Variants in AGTPBP1 observed in about 807,000 individuals in gnomAD.
AGTPBP1 encodes the protein ATP/GTP binding carboxypeptidase 1, also known as cytosolic carboxypeptidase 1.
In AGTPBP1, 70 loss-of-function variants were observed where a neutral mutation model predicts 143.9. The ratio of observed to expected loss-of-function variants is 0.49; its 90% CI spans 0.40 to 0.59. The LOEUF (loss-of-function observed/expected upper bound fraction) is 0.59, where lower values mean the gene tolerates loss of function less well. Among genes scored for constraint, AGTPBP1 ranks in the 20% least tolerant of loss-of-function variants. AGTPBP1 has a pLI of 0.00. For synonymous variants in AGTPBP1, 463 were observed against 500.2 expected (o/e 0.93, Z 0.99); for missense variants, 1,229 against 1,464.5 (o/e 0.84, Z 2.62).
At chr9:85,743,813 T>C (rs1824533971), upstream of AGTPBP1, among the ~76,000 whole-genome samples, 1 of 152,132 alleles carries the variant, frequency 6.6e-6, no homozygotes, top group South Asian at 2.1e-4. Flanking sequence ...CGTGGGACCT[T>C]GCATATCCTC....
intron 8 of AGTPBP1, among the ~76,000 whole-genome samples, chr9:85,662,677 A>T (rs7862588): frequency 0.038 from 5,783 of 152,210 alleles, 289 homozygotes; most frequent in African/African-American, 0.11. Flanking sequence ...TCTTAAAACA[A>T]TTTTGTTCCA....
At chr9:85,647,231 C>T (rs765915644) in intron 11 of AGTPBP1, among the ~76,000 whole-genome samples, 5 of 152,104 alleles carry the variant, frequency 3.3e-5, no homozygotes, top group Non-Finnish European at 5.9e-5. Flanking sequence ...GAGCCAAGAT[C>T]GCGCCATTGC....
chr9:85,560,104 A>G (rs962773010), intron 25 of AGTPBP1, among the ~76,000 whole-genome samples: 2 of 152,196 alleles, frequency 1.3e-5, no homozygotes, highest in African/African-American at 4.8e-5. Flanking sequence ...CAAACAAGAG[A>G]TAATAACAAA....
intron 21 of AGTPBP1, among the ~76,000 whole-genome samples, chr9:85,587,892 A>C (rs1828713779): frequency 6.6e-6 from 1 of 152,138 alleles, no homozygotes; most frequent in Non-Finnish European, 1.5e-5. Flanking sequence ...GATGGGGCTA[A>C]CATTCCAAGA....
chr9:85,585,198 T>C (rs1828529086), intron 23 of AGTPBP1, among the ~76,000 whole-genome samples: 1 of 152,182 alleles, frequency 6.6e-6, no homozygotes, highest in Non-Finnish European at 1.5e-5. Context: ...CATCATCAAA[T>C]TGACAGAAGG....
At chr9:85,753,516 C>T in the AGTPBP1 span, 6 of 1,512,582 alleles carry the variant, frequency 4.0e-6, no homozygotes, top group South Asian at 3.7e-5. Context: ...CACTTTGGGA[C>T]GCTGAGGTGG....
chr9:85,795,852 CTTAG>C, the AGTPBP1 span, among the ~76,000 whole-genome samples: 1 of 88,582 alleles, frequency 1.1e-5, no homozygotes, highest in Non-Finnish European at 2.3e-5. Flanking sequence ...TCTTCTTCTT[CTTAG>C]TTTTTTTTTT....
At chr9:85,661,919 T>C (rs528235386) in intron 8 of AGTPBP1, among the ~76,000 whole-genome samples, 2 of 152,290 alleles carry the variant, frequency 1.3e-5, no homozygotes, top group East Asian at 3.9e-4. Flanking sequence ...GAATGCCTAC[T>C]TGATAACCAC....
intron 14 of AGTPBP1, among the ~76,000 whole-genome samples, chr9:85,621,985 A>T (rs2133564590): frequency 6.6e-6 from 1 of 152,322 alleles, no homozygotes; most frequent in Middle Eastern, 3.4e-3. Context: ...GGAAGACAAT[A>T]ATCACCAAAC....
intron 13 of AGTPBP1, among the ~76,000 whole-genome samples, chr9:85,640,286 T>C (rs1238918566): frequency 6.6e-6 from 1 of 152,204 alleles, no homozygotes; most frequent in African/African-American, 2.4e-5. Context: ...ATGCATTCCT[T>C]TGAAACTTAA....
intron 2 of AGTPBP1, among the ~76,000 whole-genome samples, chr9:85,694,090 G>A (rs931306765): frequency 6.6e-6 from 1 of 152,154 alleles, no homozygotes; most frequent in Non-Finnish European, 1.5e-5. Flanking sequence ...AGATTGCTTA[G>A]AGGCTTGTAG....
chr9:85,754,482 A>G, the AGTPBP1 span, among the ~76,000 whole-genome samples: 1 of 152,190 alleles, frequency 6.6e-6, no homozygotes, highest in Non-Finnish European at 1.5e-5. Flanking sequence ...GCGCCCAGCC[A>G]AAGACAAGTA....
intron 9 of AGTPBP1, among the ~76,000 whole-genome samples, chr9:85,658,538 A>G (rs1442653617): frequency 2.0e-5 from 3 of 152,078 alleles, no homozygotes; most frequent in Non-Finnish European, 4.4e-5. Flanking sequence ...ATAATGTGCA[A>G]TACCCATCTG....
At chr9:85,770,460 T>C in the AGTPBP1 span, 4 of 1,579,214 alleles carry the variant, frequency 2.5e-6, no homozygotes, top group East Asian at 6.7e-5. Flanking sequence ...CTGTTGAGAT[T>C]AGAGCTATTC....
chr9:85,759,914 C>A, the AGTPBP1 span, among the ~76,000 whole-genome samples: 15 of 151,908 alleles, frequency 9.9e-5, no homozygotes, highest in African/African-American at 3.4e-4. Context: ...CAAATAGATG[C>A]AATAAAAAAT....
chr9:85,572,419 AG>A (rs1270048507), intron 25 of AGTPBP1, among the ~76,000 whole-genome samples: 1 of 152,126 alleles, frequency 6.6e-6, no homozygotes, highest in Non-Finnish European at 1.5e-5. Flanking sequence ...GAGTCTGATG[AG>A]GCCTATAAAC....
rs758485580 is a variant in AGTPBP1 at position 85,586,884 on chromosome 9, A to G, written c.2980T>C (p.Tyr994His). 4 of 1,614,046 alleles carry G rather than the reference A, an allele frequency of 2.5e-6. No individual in the cohort carries two copies. The highest frequency in any genetic ancestry group is 3.4e-6 in the Non-Finnish European group (4 of 1,179,950). Residue 994 changes from tyrosine (Y) to histidine (H), a missense_variant, in exon 22 of 26, where the codon TAC becomes CAC. Coordinates refer to ENST00000357081, the MANE Select transcript of AGTPBP1 (RefSeq NM_001330701.2). The stretch of plus-strand genomic sequence containing the variant: ...TATTGCAACAGCCCCTTAGCATGGT[A>G]AATTGTAGGATGTAAATCCGGACTT... ...SPSPDLHPTI[Y>H]HAKGLLQYLA...
Position 85,681,510 on chromosome 9 carries a change from G to A in AGTPBP1, c.158-175C>T, listed in dbSNP as rs117814607. ...GCTAATTCTACCATATGTGGACTTC[G>A]AGATATCAGTTAACATGGCATTCTT... On this transcript the variant is annotated intron_variant, in intron 3 of 25. Transcript: ENST00000357081. 6.9e-3 allele frequency among the ~76,000 whole-genome samples: 1,047 copies of A among 152,152 alleles called. 9 individuals are homozygous for A. The highest frequency in any genetic ancestry group is 0.017 in the South Asian group (82 of 4,826).
At chr9:85,685,111 T>C (rs1483805844) in intron 3 of AGTPBP1, among the ~76,000 whole-genome samples, 2 of 151,516 alleles carry the variant, frequency 1.3e-5, no homozygotes, top group East Asian at 1.9e-4. Context: ...TTAAAAGATA[T>C]AAGCCTCAAC....
Sources: allele counts gnomAD v4.1 joint callset (sites outside exome capture counted in the v4.1 genomes callset), GRCh38; gene constraint gnomAD v4.1.1; transcripts MANE v1.5; gene names NCBI Gene and HGNC (gene_info 2026-07-23, HGNC 2026-07-21).